WWC1: variants seen among roughly 807,000 people sequenced by gnomAD.
WWC1 encodes the protein protein KIBRA.
Under a neutral mutation model 138.4 loss-of-function variants are expected in WWC1, and 55 were observed. The observed-to-expected ratio is 0.40, with a 90% CI of 0.32 to 0.50. The LOEUF (loss-of-function observed/expected upper bound fraction) is 0.50, where lower values mean the gene tolerates loss of function less well. Among genes scored for constraint, WWC1 ranks in the 20% least tolerant of loss-of-function variants. The pLI, the probability that WWC1 is intolerant of heterozygous loss-of-function variation, is 0.72. For missense variants in WWC1, 1,226 were observed against 1,420.4 expected (o/e 0.86, Z 2.20); for synonymous variants, 524 against 564.9 (o/e 0.93, Z 1.03).
At chr5:168,298,600 G>C (rs1392542619) in intron 1 of WWC1, among the ~76,000 whole-genome samples, 1 of 152,072 alleles carries the variant, frequency 6.6e-6, no homozygotes, top group Non-Finnish European at 1.5e-5. Flanking sequence ...AAAACACTAG[G>C]ATAGATAATA....
At chr5:168,372,180 T>G (rs975348692) in intron 2 of WWC1, among the ~76,000 whole-genome samples, 2 of 152,016 alleles carry the variant, frequency 1.3e-5, no homozygotes, top group East Asian at 3.9e-4. Flanking sequence ...CTAGTACCTC[T>G]GTCTCTGGGA....
At chr5:168,329,747 A>G (rs1772870601) in intron 1 of WWC1, among the ~76,000 whole-genome samples, 1 of 152,214 alleles carries the variant, frequency 6.6e-6, no homozygotes, top group South Asian at 2.1e-4. Context: ...AGGAATGAGC[A>G]AAACAATAAT....
In WWC1 at chr5:168,355,918, G is replaced by C. The variant is rs371104552; in HGVS notation, c.120-15506G>C. Among the ~76,000 whole-genome samples the C allele has an allele frequency of 9.7e-3, 627 of 64,612 alleles. 2 individuals carry two copies. The highest frequency in any genetic ancestry group is 0.037 in the African/African-American group (584 of 15,664). 42.4% of individuals were successfully genotyped at this position (64,612 alleles called of 152,430 possible). Reference sequence around the variant, plus strand: ...AGAGGCAGAGAGGGAAGGAACAAGAGAGAGAAAGAGAGACGGGGAGCCAGA... The same window carrying C: ...AGAGGCAGAGAGGGAAGGAACAAGACAGAGAAAGAGAGACGGGGAGCCAGA... On this transcript the variant is annotated intron_variant, in intron 1 of 22. Coordinates refer to ENST00000265293, the MANE Select transcript of WWC1 (RefSeq NM_015238.3).
chr5:168,309,582 CCTTT>C (rs1036473338), intron 1 of WWC1, among the ~76,000 whole-genome samples: 1 of 152,128 alleles, frequency 6.6e-6, no homozygotes, highest in Non-Finnish European at 1.5e-5. Context: ...GTTCTGCCAC[CCTTT>C]CTTTTGCAGG....
intron 9 of WWC1, chr5:168,414,834 G>T: frequency 1.9e-6 from 1 of 536,630 alleles, no homozygotes; most frequent in Middle Eastern, 5.0e-4. Context: ...TTAGGTGCAG[G>T]TGTTCAAAAA....
At chr5:168,396,418 TC>T (rs914594491) in intron 3 of WWC1, among the ~76,000 whole-genome samples, 1 of 152,032 alleles carries the variant, frequency 6.6e-6, no homozygotes, top group African/African-American at 2.4e-5. Flanking sequence ...AAAACCCAGA[TC>T]TCAGCAGGTG....
intron 11 of WWC1, 149 bp from the exon 12 acceptor site, chr5:168,427,884 C>T (rs942520487): frequency 3.5e-6 from 2 of 567,798 alleles, no homozygotes; most frequent in Non-Finnish European, 6.4e-6. Context: ...CACCAGAACC[C>T]GAAGTGGTCG....
intron 9 of WWC1, among the ~76,000 whole-genome samples, chr5:168,420,389 G>A (rs1473302993): frequency 6.6e-6 from 1 of 152,030 alleles, no homozygotes; most frequent in Non-Finnish European, 1.5e-5. Flanking sequence ...AGTCATACTG[G>A]ATTAGAGTCT....
At position 168,457,902 on chromosome 5, in the gene WWC1, G is replaced by A. The variant is rs576017431; in HGVS notation, c.2823+2382G>A. Among the ~76,000 whole-genome samples the A allele has an allele frequency of 7.9e-5, 12 of 152,158 alleles. No homozygotes were observed. In the South Asian group the frequency reaches 2.5e-3, roughly 32 times the overall value. On this transcript the variant is annotated intron_variant, in intron 19 of 22. Transcript: ENST00000265293. ...TGTAGAATGAAGGAGAGAAAGAGTG[G>A]CCTGTTTCAATTCAAGAGACAATAG...
At chr5:168,356,318 G>A (rs78539874) in intron 1 of WWC1, among the ~76,000 whole-genome samples, 2,787 of 152,370 alleles carry the variant, frequency 0.018, 38 homozygotes, top group South Asian at 0.056. Flanking sequence ...CGATGCGGCC[G>A]GAGGCCCATG....
At chr5:168,422,389 G>A (rs1368275104) in intron 10 of WWC1, among the ~76,000 whole-genome samples, 1 of 152,194 alleles carries the variant, frequency 6.6e-6, no homozygotes, top group African/African-American at 2.4e-5. Flanking sequence ...AGCACTTTGG[G>A]AGGCCAAGGT....
In WWC1 at chr5:168,469,209, A is replaced by T; in HGVS notation, c.*192A>T. ...TAAAAACAGAACAAAAACAAAACAC[A>T]CACACACACAAAAACAGAAACAAAA... On this transcript the variant is annotated 3_prime_UTR_variant, in exon 23 of 23. Transcript: ENST00000265293. 1 of 573,610 alleles carries T rather than the reference A, an allele frequency of 1.7e-6. No homozygotes were observed. Among genetic ancestry groups the T allele is most frequent in the Non-Finnish European group, 3.1e-6 (1 of 322,200 alleles). 35.5% of individuals were successfully genotyped at this position (573,610 alleles called of 1,614,324 possible).
At chr5:168,312,093 C>A (rs111245205) in intron 1 of WWC1, among the ~76,000 whole-genome samples, 2,340 of 150,282 alleles carry the variant, frequency 0.016, 204 homozygotes, top group Admixed American at 0.14. Context: ...TGGTGCATGC[C>A]TGTAATCCCA....
chr5:168,298,123 C>T (rs756395389), intron 1 of WWC1, among the ~76,000 whole-genome samples: 3 of 152,118 alleles, frequency 2.0e-5, no homozygotes, highest in Non-Finnish European at 4.4e-5. Flanking sequence ...ATTGCAACCT[C>T]TACTTCCCGG....
chr5:168,414,278 TC>T, intron 8 of WWC1, 69 bp from the exon 9 acceptor site: 1 of 1,559,664 alleles, frequency 6.4e-7, no homozygotes, highest in Non-Finnish European at 8.7e-7. Context: ...GATGTCTGTT[TC>T]TTCATGGCAT....
chr5:168,455,202 A>G (rs1756197204), intron 18 of WWC1, among the ~76,000 whole-genome samples, 154 bp from the exon 19 acceptor site: 1 of 152,096 alleles, frequency 6.6e-6, no homozygotes, highest in Non-Finnish European at 1.5e-5. Context: ...CACCAGGCTG[A>G]GCTCATCTAG....
intron 2 of WWC1, among the ~76,000 whole-genome samples, chr5:168,372,239 G>T (rs1490005304): frequency 6.6e-6 from 1 of 150,772 alleles, no homozygotes; most frequent in African/African-American, 2.4e-5. Flanking sequence ...TCTGACAGGT[G>T]GAGGAACCCA....
At chr5:168,325,126 G>C (rs1772424031) in intron 1 of WWC1, among the ~76,000 whole-genome samples, 1 of 152,172 alleles carries the variant, frequency 6.6e-6, no homozygotes, top group Admixed American at 6.5e-5. Context: ...AACCTCCATG[G>C]CCTCATTCTG....
chr5:168,339,948 C>CCCCTCT (rs1773881516), intron 1 of WWC1, among the ~76,000 whole-genome samples: 1 of 113,566 alleles, frequency 8.8e-6, no homozygotes, highest in Non-Finnish European at 1.7e-5. Flanking sequence ...TCTCTCTCTC[C>CCCCTCT]CCCTCTCCCT....
Sources: allele counts gnomAD v4.1 joint callset (sites outside exome capture counted in the v4.1 genomes callset), GRCh38; gene constraint gnomAD v4.1.1; transcripts MANE v1.5; gene names NCBI Gene and HGNC (gene_info 2026-07-23, HGNC 2026-07-21).